The following SGCZ variants were observed in gnomAD, a reference collection of about 807,000 sequenced individuals.
SGCZ encodes the protein sarcoglycan zeta.
SGCZ carries 40 observed loss-of-function variants against 41.3 expected under a neutral mutation model. The ratio of observed to expected loss-of-function variants is 0.97; its 90% CI spans 0.75 to 1.26. SGCZ has a LOEUF of 1.26. Ranked by LOEUF, SGCZ falls within the 50% of genes most tolerant of loss-of-function variation. The pLI is 0.00. For synonymous variants in SGCZ, 206 were observed against 137.5 expected (o/e 1.50, Z -3.49); for missense variants, 552 against 369.8 (o/e 1.49, Z -4.04).
intron 1 of SGCZ, among the ~76,000 whole-genome samples, chr8:14,746,697 T>C (rs1489827530): frequency 6.6e-6 from 1 of 152,228 alleles, no homozygotes; most frequent in Non-Finnish European, 1.5e-5. Flanking sequence ...AAAGTCATCA[T>C]GATTATATGG....
intron 4 of SGCZ, among the ~76,000 whole-genome samples, chr8:14,231,904 T>C (rs1806584472): frequency 1.3e-5 from 2 of 152,230 alleles, no homozygotes; most frequent in East Asian, 3.9e-4. Context: ...GTAGTTTAAT[T>C]ACTCTGTAAG....
chr8:14,877,399 T>A (rs2130715432), intron 1 of SGCZ, among the ~76,000 whole-genome samples: 1 of 152,332 alleles, frequency 6.6e-6, no homozygotes, highest in Middle Eastern at 3.4e-3. Flanking sequence ...CTAAAATGTA[T>A]TATCAAATCT....
chr8:14,513,461 T>G (rs1802522769), intron 2 of SGCZ, among the ~76,000 whole-genome samples: 1 of 103,922 alleles, frequency 9.6e-6, no homozygotes, highest in Non-Finnish European at 2.1e-5. Context: ...ATTTGTAAAT[T>G]TTTATACTTC....
intron 2 of SGCZ, among the ~76,000 whole-genome samples, chr8:14,492,995 C>T (rs1276198507): frequency 2.0e-5 from 3 of 152,100 alleles, no homozygotes; most frequent in Non-Finnish European, 4.4e-5. Context: ...AACCCCCCAA[C>T]TCTCTAACCT....
intron 5 of SGCZ, among the ~76,000 whole-genome samples, chr8:14,110,478 G>A (rs1055793057): frequency 1.3e-5 from 2 of 152,018 alleles, no homozygotes; most frequent in Non-Finnish European, 2.9e-5. Context: ...AACTGATAGA[G>A]GTCTCAATTC....
chr8:14,309,524 G>C (rs1323730635), intron 3 of SGCZ: 4 of 1,609,754 alleles, frequency 2.5e-6, no homozygotes, highest in Non-Finnish European at 2.5e-6. Context: ...GTGGACTACT[G>C]AATGTGAAAA....
intron 1 of SGCZ, among the ~76,000 whole-genome samples, chr8:15,032,725 C>A (rs761479183): frequency 1.3e-5 from 2 of 152,124 alleles, no homozygotes; most frequent in Admixed American, 1.3e-4. Flanking sequence ...CCTGAACTAC[C>A]CTTGGCACTA....
chr8:14,516,255 G>A (rs991459384), intron 2 of SGCZ, among the ~76,000 whole-genome samples: 4 of 151,714 alleles, frequency 2.6e-5, no homozygotes, highest in South Asian at 2.1e-4. Flanking sequence ...GCTATTAATC[G>A]CAGTACTCAG....
chr8:14,289,026 T>C lies in SGCZ; in HGVS notation c.336+35077A>G, dbSNP rs141981303. Reference sequence around the variant, plus strand: ...TTTTTATTTGTGTTTTCTTGATGGCTAACAATATTGAACATCTGTATGTAC... The same window carrying C: ...TTTTTATTTGTGTTTTCTTGATGGCCAACAATATTGAACATCTGTATGTAC... On this transcript the variant is annotated intron_variant, in intron 3 of 7. Coordinates refer to ENST00000382080, the MANE Select transcript of SGCZ (RefSeq NM_139167.4). Among the ~76,000 whole-genome samples the C allele has an allele frequency of 1.3e-4, 20 of 152,290 alleles. No homozygotes were observed. The East Asian group carries it at 3.9e-3, about 29-fold the overall frequency.
At chr8:15,054,716 A>C (rs1804641267) in intron 1 of SGCZ, among the ~76,000 whole-genome samples, 1 of 151,958 alleles carries the variant, frequency 6.6e-6, no homozygotes, top group Admixed American at 6.6e-5. Flanking sequence ...GCACTTTAGG[A>C]GGCTGAGGCG....
chr8:14,579,436 T>C (rs1804814324), intron 1 of SGCZ, among the ~76,000 whole-genome samples: 1 of 152,208 alleles, frequency 6.6e-6, no homozygotes, highest in East Asian at 1.9e-4. Context: ...AAGCATTGTA[T>C]CTTGTACATT....
At chr8:15,023,980 A>C (rs1026275546) in intron 1 of SGCZ, among the ~76,000 whole-genome samples, 5 of 152,236 alleles carry the variant, frequency 3.3e-5, no homozygotes, top group Non-Finnish European at 7.3e-5. Flanking sequence ...TACAGGGACC[A>C]GGATAAGTGA....
At chr8:14,962,916 T>C (rs1801007941) in intron 1 of SGCZ, among the ~76,000 whole-genome samples, 1 of 152,176 alleles carries the variant, frequency 6.6e-6, no homozygotes. Context: ...CCATATTAAA[T>C]GTCACTGGCA....
intron 1 of SGCZ, among the ~76,000 whole-genome samples, chr8:14,657,675 T>C (rs1199312074): frequency 6.6e-6 from 1 of 151,532 alleles, no homozygotes; most frequent in Non-Finnish European, 1.5e-5. Flanking sequence ...AAGAGAAAGA[T>C]TGGTTCCAAA....
intron 2 of SGCZ, among the ~76,000 whole-genome samples, chr8:14,364,886 A>C (rs902186924): frequency 1.3e-5 from 2 of 152,166 alleles, no homozygotes; most frequent in Non-Finnish European, 2.9e-5. Context: ...TAAAATATAT[A>C]GTTCTTCTGA....
chr8:14,281,588 A>G (rs773053196), intron 3 of SGCZ, among the ~76,000 whole-genome samples: 2 of 152,066 alleles, frequency 1.3e-5, no homozygotes, highest in Non-Finnish European at 2.9e-5. Flanking sequence ...CCATCTAGTG[A>G]TAAAATCTAA....
At chr8:14,792,725 C>T (rs1054285713) in intron 1 of SGCZ, among the ~76,000 whole-genome samples, 2 of 152,000 alleles carry the variant, frequency 1.3e-5, no homozygotes, top group African/African-American at 4.8e-5. Flanking sequence ...AGAATCAATA[C>T]CCCCTTTCTC....
At chr8:14,590,346 T>C (rs1255736268) in intron 1 of SGCZ, among the ~76,000 whole-genome samples, 2 of 151,990 alleles carry the variant, frequency 1.3e-5, no homozygotes, top group Non-Finnish European at 2.9e-5. Flanking sequence ...GTTAATATTT[T>C]GGAAATATCT....
At chr8:14,376,851 T>G (rs141749353) in intron 2 of SGCZ, among the ~76,000 whole-genome samples, 1 of 152,354 alleles carries the variant, frequency 6.6e-6, no homozygotes, top group African/African-American at 2.4e-5. Flanking sequence ...GATTTATTTA[T>G]GTAATGCAAT....
Sources: gnomAD v4.1 joint callset for allele counts (sites outside exome capture counted in the v4.1 genomes callset) on GRCh38, gnomAD v4.1.1 for gene constraint, MANE v1.5 for transcripts, NCBI Gene and HGNC (gene_info 2026-07-23, HGNC 2026-07-21) for gene names.